TBC1D32: variants seen among roughly 807,000 people sequenced by gnomAD.
The protein encoded by TBC1D32 is protein broad-minded.
A neutral mutation model predicts 170.3 loss-of-function variants in TBC1D32; 151 were observed. The ratio of observed to expected loss-of-function variants is 0.89; its 90% CI spans 0.78 to 1.01. TBC1D32 has a LOEUF of 1.01. TBC1D32 is among the 50% of genes least tolerant of loss of function. TBC1D32 has a pLI of 0.00. For missense variants in TBC1D32, 1,464 were observed against 1,457.1 expected (o/e 1.00, Z -0.08); for synonymous variants, 498 against 488.0 (o/e 1.02, Z -0.27).
chr6:121,133,054 T>C (rs1223072913), intron 24 of TBC1D32, among the ~76,000 whole-genome samples: 1 of 151,994 alleles, frequency 6.6e-6, no homozygotes, highest in Non-Finnish European at 1.5e-5. Context: ...CAAGAACCTT[T>C]TGAAATTATA....
chr6:121,168,901 G>A (rs985998676), intron 22 of TBC1D32, among the ~76,000 whole-genome samples: 1 of 151,956 alleles, frequency 6.6e-6, no homozygotes, highest in East Asian at 1.9e-4. Context: ...ACAAGCCACT[G>A]CTCAAAGAAA....
At chr6:121,193,836 A>T (rs182775440) in intron 22 of TBC1D32, among the ~76,000 whole-genome samples, 3 of 152,324 alleles carry the variant, frequency 2.0e-5, no homozygotes, top group Non-Finnish European at 4.4e-5. Flanking sequence ...ACAGCGCCTC[A>T]ATCAATTTCC....
At chr6:121,125,461 C>T (rs1780724928) in intron 26 of TBC1D32, among the ~76,000 whole-genome samples, 1 of 151,886 alleles carries the variant, frequency 6.6e-6, no homozygotes, top group Non-Finnish European at 1.5e-5. Context: ...CTCGGTATCT[C>T]CTGTAGGAAG....
Position 121,215,787 on chromosome 6 carries a change from A to G in TBC1D32, c.2481+7449T>C, listed in dbSNP as rs150673243. On this transcript the variant is annotated intron_variant, in intron 21 of 31. Coordinates refer to ENST00000398212, the MANE Select transcript of TBC1D32 (RefSeq NM_152730.6). ...CTGATCATTAGAGACATGCAAATCA[A>G]AACCAAAATAAGATGCCATCTCACA... Among the ~76,000 whole-genome samples, 438 of 152,362 alleles carry G rather than the reference A, an allele frequency of 2.9e-3. 1 individual carries two copies. Among genetic ancestry groups the G allele is most frequent in the African/African-American group, 9.7e-3 (403 of 41,584 alleles).
chr6:121,158,560 T>C (rs1195975611), intron 24 of TBC1D32, among the ~76,000 whole-genome samples: 1 of 152,130 alleles, frequency 6.6e-6, no homozygotes, highest in East Asian at 1.9e-4. Flanking sequence ...TGCATTTGGT[T>C]GGAGGTAAGA....
chr6:121,324,787 A>G (rs1810237003), intron 1 of TBC1D32, among the ~76,000 whole-genome samples: 1 of 152,230 alleles, frequency 6.6e-6, no homozygotes, highest in Non-Finnish European at 1.5e-5. Context: ...GGTAAGAAAA[A>G]AATTCAAAAA....
At chr6:121,183,393 G>A (rs939625044) in intron 22 of TBC1D32, among the ~76,000 whole-genome samples, 9 of 152,094 alleles carry the variant, frequency 5.9e-5, no homozygotes, top group African/African-American at 2.2e-4. Flanking sequence ...TTGTTTGCTT[G>A]CAGCAAAGCT....
At chr6:121,176,025 A>G (rs559283539) in intron 22 of TBC1D32, among the ~76,000 whole-genome samples, 1 of 152,330 alleles carries the variant, frequency 6.6e-6, no homozygotes, top group Admixed American at 6.5e-5. Context: ...CAATTCGCCA[A>G]TAAACACACA....
intron 27 of TBC1D32, 114 bp downstream of exon 27, chr6:121,115,058 T>C: frequency 2.9e-6 from 2 of 694,300 alleles, no homozygotes; most frequent in South Asian, 3.6e-5. Flanking sequence ...TGATAAACTC[T>C]GCATTTAAAG....
At chr6:121,184,719 G>A (rs925161007) in intron 22 of TBC1D32, among the ~76,000 whole-genome samples, 3 of 151,422 alleles carry the variant, frequency 2.0e-5, no homozygotes, top group South Asian at 2.1e-4. Context: ...GGTGCAATAC[G>A]AGATCACACA....
chr6:121,100,655 C>G (rs1246336506), intron 30 of TBC1D32, among the ~76,000 whole-genome samples: 6 of 151,732 alleles, frequency 4.0e-5, no homozygotes, highest in African/African-American at 1.5e-4. Flanking sequence ...AAATTGACAC[C>G]CTAACATCAC....
rs772202404 is a variant in TBC1D32, at chr6:121,304,409, T to C, written c.891A>G (p.Glu297=). The C allele has an allele frequency of 1.9e-6, 3 of 1,613,522 alleles. No individual in the cohort carries two copies. Among genetic ancestry groups the C allele is most frequent in the Admixed American group, 1.7e-5 (1 of 59,952 alleles). ...AGAAAGATGGAGCTTCTTTCTGATA[T>C]TCATTTAGAAGACGAACCTACAAAG... ...RLLKKVRLLN[E]YQKEAPSFWI... Residue 297 remains glutamate (E), a synonymous_variant, in exon 8 of 32, where the codon GAA becomes GAG. Coordinates refer to ENST00000398212, the MANE Select transcript of TBC1D32 (RefSeq NM_152730.6).
intron 25 of TBC1D32, among the ~76,000 whole-genome samples, chr6:121,128,870 A>C (rs1781133354): frequency 6.6e-6 from 1 of 152,138 alleles, no homozygotes; most frequent in African/African-American, 2.4e-5. Flanking sequence ...ATATCCAAAC[A>C]GATAGTACTC....
At chr6:121,168,704 G>A (rs1583048372) in intron 22 of TBC1D32, among the ~76,000 whole-genome samples, 1 of 31,570 alleles carries the variant, frequency 3.2e-5, no homozygotes. Flanking sequence ...CTAAAACTTA[G>A]AGTATAATAA....
chr6:121,141,177 TAAAC>T (rs1250097342), intron 24 of TBC1D32, among the ~76,000 whole-genome samples: 3 of 152,000 alleles, frequency 2.0e-5, no homozygotes, highest in African/African-American at 7.2e-5. Context: ...CTTAGAGAAA[TAAAC>T]AAAGGTCCAG....
chr6:121,139,102 T>A (rs1782482547), intron 24 of TBC1D32, among the ~76,000 whole-genome samples: 2 of 152,152 alleles, frequency 1.3e-5, no homozygotes, highest in African/African-American at 4.8e-5. Context: ...CGCCTCGGCC[T>A]CCCAAAGTGC....
At position 121,256,245 on chromosome 6, in the gene TBC1D32, GT is replaced by G; in HGVS notation, c.1773del (p.Lys591AsnfsTer40). The G allele has an allele frequency of 6.2e-7, 1 of 1,613,512 alleles. No individual in the cohort carries two copies. The highest frequency in any genetic ancestry group is 8.5e-7 in the Non-Finnish European group (1 of 1,179,834). The stretch of plus-strand genomic sequence containing the variant: ...AATATAGAAATATCTTCATCGAGAA[GT>G]TTTTTCGAAAACTGGGCAATTATAT... ...GAHIIAQFSK[K>X]LLDEDISIFS... On this transcript the variant is annotated frameshift_variant, in exon 16 of 32. Transcript: ENST00000398212. LOFTEE classifies it high-confidence loss of function.
At chr6:121,149,932 T>G (rs183576832) in intron 24 of TBC1D32, among the ~76,000 whole-genome samples, 1 of 152,340 alleles carries the variant, frequency 6.6e-6, no homozygotes, top group Admixed American at 6.5e-5. Context: ...TCTTATTTCC[T>G]TAAGCAGTGG....
At chr6:121,200,011 T>C (rs986916329) in intron 22 of TBC1D32, among the ~76,000 whole-genome samples, 1 of 151,410 alleles carries the variant, frequency 6.6e-6, no homozygotes, top group Non-Finnish European at 1.5e-5. Context: ...GTACTATATA[T>C]AAAACTTACT....
Sources: gnomAD v4.1 joint callset for allele counts (sites outside exome capture counted in the v4.1 genomes callset) on GRCh38, gnomAD v4.1.1 for gene constraint, MANE v1.5 for transcripts, NCBI Gene and HGNC (gene_info 2026-07-23, HGNC 2026-07-21) for gene names.